ABCC12: variants seen among roughly 807,000 people sequenced by gnomAD.
The protein encoded by ABCC12 is ATP binding cassette subfamily C member 12.
ABCC12 carries 142 observed loss-of-function variants against 151.1 expected under a neutral mutation model. That is an observed-to-expected ratio of 0.94 (90% CI 0.82 to 1.08). The LOEUF (loss-of-function observed/expected upper bound fraction) is 1.08, where lower values mean the gene tolerates loss of function less well. Ranked by LOEUF, ABCC12 falls within the 50% of genes least tolerant of loss-of-function variation. The pLI, the probability that ABCC12 is intolerant of heterozygous loss-of-function variation, is 0.00. For missense variants in ABCC12, 1,638 were observed against 1,691.1 expected (o/e 0.97, Z 0.55); for synonymous variants, 645 against 646.4 (o/e 1.00, Z 0.03).
chr16:48,112,980 G>T (rs74462496), intron 15 of ABCC12, among the ~76,000 whole-genome samples: 10 of 152,042 alleles, frequency 6.6e-5, no homozygotes, highest in Non-Finnish European at 1.0e-4. Context: ...TTTCATTTTG[G>T]AATGAGACAC....
Position 48,081,800 on chromosome 16 carries a change from A to G in ABCC12, c.*1915T>C, listed in dbSNP as rs1962354103. On this transcript the variant is annotated 3_prime_UTR_variant, in exon 31 of 31. Transcript: ENST00000311303. ...TGCATCTGAAGGAGCAGCAGGGATCATTGTAGTCTATCCTCTGTCCTCATG... is the reference window on the plus strand; with the variant it reads ...TGCATCTGAAGGAGCAGCAGGGATCGTTGTAGTCTATCCTCTGTCCTCATG... Among the ~76,000 whole-genome samples the G allele has an allele frequency of 6.6e-6, 1 of 152,188 alleles. No individual in the cohort carries two copies. The highest frequency in any genetic ancestry group is 1.5e-5 in the Non-Finnish European group (1 of 68,024).
intron 24 of ABCC12, among the ~76,000 whole-genome samples, chr16:48,096,203 A>G (rs1665936911): frequency 6.6e-6 from 1 of 152,270 alleles, no homozygotes; most frequent in African/African-American, 2.4e-5. Context: ...TTTGTCATCA[A>G]TATTATGACT....
At chr16:48,151,417 G>A (rs914139473) in intron 2 of ABCC12, among the ~76,000 whole-genome samples, 1 of 152,152 alleles carries the variant, frequency 6.6e-6, no homozygotes, top group African/African-American at 2.4e-5. Context: ...ACAACTACCT[G>A]TGAAGAGGCA....
At chr16:48,142,123 AC>A (rs1964837227) in intron 4 of ABCC12, among the ~76,000 whole-genome samples, 1 of 152,202 alleles carries the variant, frequency 6.6e-6, no homozygotes, top group Non-Finnish European at 1.5e-5. Context: ...GGCTTGGCCA[AC>A]TGTGTGAATA....
chr16:48,121,524 C>T (rs1252435178), intron 13 of ABCC12, 192 bp downstream of exon 13: 2 of 630,852 alleles, frequency 3.2e-6, no homozygotes, highest in Non-Finnish European at 5.3e-6. Context: ...AGTCGCAGGT[C>T]TGCAGAAGTC....
Position 48,153,718 on chromosome 16 carries a change from A to T in ABCC12, c.-153T>A, listed in dbSNP as rs186603104. 1.3e-5 allele frequency: 2 copies of T among 152,308 alleles called. No homozygotes were observed. Among genetic ancestry groups the T allele is most frequent in the East Asian group, 3.9e-4 (2 of 5,190 alleles). The allele number at this position is 152,308 out of a possible 1,614,324, so 9.4% of individuals were successfully genotyped here. On this transcript the variant is annotated 5_prime_UTR_variant, in exon 2 of 31. Transcript: ENST00000311303. Reference sequence around the variant, plus strand: ...GGCTCCTGAGTCCCAGATGCCAAACACTGGAGGCCAGGCCTCCCTGGCCAG... The same window carrying T: ...GGCTCCTGAGTCCCAGATGCCAAACTCTGGAGGCCAGGCCTCCCTGGCCAG...
chr16:48,089,494 G>A (rs796590686), intron 25 of ABCC12, among the ~76,000 whole-genome samples: 17 of 152,218 alleles, frequency 1.1e-4, no homozygotes, highest in African/African-American at 3.4e-4. Flanking sequence ...GTCTAATTAA[G>A]GAGTAGAGCA....
chr16:48,122,677 C>T (rs1355718435), intron 12 of ABCC12, among the ~76,000 whole-genome samples: 1 of 152,214 alleles, frequency 6.6e-6, no homozygotes, highest in East Asian at 1.9e-4. Flanking sequence ...GATGCCACTT[C>T]ACCTCAGGAG....
Position 48,105,246 on chromosome 16 carries a change from T to G in ABCC12, c.2566A>C (p.Thr856Pro), listed in dbSNP as rs750091746. ...ACCAGCATGAACACCATGCTTGCAG[T>G]GTACACCCACTGGTACACATGCTGA... The part of the protein sequence containing the change: ...IGQHVYQWVY[T>P]ASMVFMLVFG... Residue 856 changes from threonine (T) to proline (P), a missense_variant, in exon 21 of 31, where the codon ACT becomes CCT. Transcript: ENST00000311303. The G allele has an allele frequency of 1.2e-6, 2 of 1,614,146 alleles. No homozygotes were observed. The highest frequency in any genetic ancestry group is 1.7e-6 in the Non-Finnish European group (2 of 1,180,044).
chr16:48,106,362 C>A (rs1963492229), intron 20 of ABCC12, among the ~76,000 whole-genome samples: 1 of 152,000 alleles, frequency 6.6e-6, no homozygotes, highest in Admixed American at 6.6e-5. Flanking sequence ...GGGCACCAGG[C>A]GCAAACATAC....
At chr16:48,134,977 AGGAGGC>A (rs1353583686) in intron 8 of ABCC12, among the ~76,000 whole-genome samples, 1 of 151,230 alleles carries the variant, frequency 6.6e-6, no homozygotes, top group Non-Finnish European at 1.5e-5. Context: ...GCATGAACCC[AGGAGGC>A]GGAGCTTGCA....
At chr16:48,148,709 C>T (rs964943851) in intron 2 of ABCC12, among the ~76,000 whole-genome samples, 2 of 151,834 alleles carry the variant, frequency 1.3e-5, no homozygotes, top group Non-Finnish European at 2.9e-5. Flanking sequence ...TGTGGAATAT[C>T]TTACTACTCC....
chr16:48,117,652 C>T (rs1359916264), intron 13 of ABCC12, among the ~76,000 whole-genome samples: 1 of 152,184 alleles, frequency 6.6e-6, no homozygotes, highest in Non-Finnish European at 1.5e-5. Flanking sequence ...ACCTGCTGGA[C>T]GCTCATGGGA....
At chr16:48,120,100 A>G (rs537418688) in intron 13 of ABCC12, among the ~76,000 whole-genome samples, 1 of 152,230 alleles carries the variant, frequency 6.6e-6, no homozygotes, top group Non-Finnish European at 1.5e-5. Flanking sequence ...GGTGAATTGG[A>G]TAAAGAAAAT....
chr16:48,124,119 C>A, intron 12 of ABCC12, 94 bp downstream of exon 12: 2 of 1,336,166 alleles, frequency 1.5e-6, no homozygotes, highest in Non-Finnish European at 1.1e-6. Flanking sequence ...CCAGTGCAGC[C>A]GAGGCCATCT....
chr16:48,084,112 A>C lies in ABCC12; in HGVS notation c.3829-39T>G, dbSNP rs754327170. 1.6e-5 allele frequency: 25 copies of C among 1,564,058 alleles called. No individual in the cohort carries two copies. The East Asian group carries it at 5.3e-4, about 33-fold the overall frequency. Reference sequence around the variant, plus strand: ...AACATTATAAGCCAAAGGCGCACTGAGAGGGGAATTTACAGCCTCGGCTCT... The same window carrying C: ...AACATTATAAGCCAAAGGCGCACTGCGAGGGGAATTTACAGCCTCGGCTCT... On this transcript the variant is annotated intron_variant, in intron 29 of 30. Transcript: ENST00000311303.
chr16:48,121,715 C>A lies in ABCC12; in HGVS notation c.1712+1G>T. 6.2e-7 allele frequency: 1 copy of A among 1,614,068 alleles called. No homozygotes were observed. The highest frequency in any genetic ancestry group is 1.1e-5 in the South Asian group (1 of 91,074). On this transcript the variant is annotated splice_donor_variant, in intron 13 of 30. Transcript: ENST00000311303. LOFTEE classifies it high-confidence loss of function. The stretch of plus-strand genomic sequence containing the variant: ...CCTCCTGCTTTAAAAGTTAATATTA[C>A]CTTTGGTGATCATACTTTTCTCCAA...
At chr16:48,146,573 C>A in intron 2 of ABCC12, 99 bp from the exon 3 acceptor site, 1 of 641,836 alleles carries the variant, frequency 1.6e-6, no homozygotes, top group East Asian at 2.7e-5. Context: ...TGCTTTGACC[C>A]CTGAGAACTG....
intron 2 of ABCC12, among the ~76,000 whole-genome samples, chr16:48,149,059 T>C (rs1965080986): frequency 6.6e-6 from 1 of 151,714 alleles, no homozygotes; most frequent in Non-Finnish European, 1.5e-5. Flanking sequence ...AAGTGAAAAA[T>C]AAGCACACAA....
Sources: allele counts gnomAD v4.1 joint callset (sites outside exome capture counted in the v4.1 genomes callset), GRCh38; gene constraint gnomAD v4.1.1; transcripts MANE v1.5; gene names NCBI Gene and HGNC (gene_info 2026-07-23, HGNC 2026-07-21).